CIT: variants seen among roughly 807,000 people sequenced by gnomAD.
The protein encoded by CIT is citron rho-interacting serine/threonine kinase.
Under a neutral mutation model 272.7 loss-of-function variants are expected in CIT, and 79 were observed. The observed-to-expected ratio is 0.29, with a 90% CI of 0.24 to 0.35. CIT has a LOEUF of 0.35. Among genes scored for constraint, CIT ranks in the 10% least tolerant of loss-of-function variants. CIT has a pLI of 1.00. For missense variants in CIT, 1,909 were observed against 2,618.3 expected, an observed-to-expected ratio of 0.73 and a Z score of 5.91; for synonymous variants, 948 against 995.6, an observed-to-expected ratio of 0.95 and a Z score of 0.90.
intron 29 of CIT, 148 bp from the exon 30 acceptor site, chr12:119,720,733 C>A: frequency 3.9e-6 from 2 of 506,334 alleles, no homozygotes; most frequent in Non-Finnish European, 3.4e-6. Context: ...TGTATTTAGT[C>A]CAGTTTTACT....
intron 2 of CIT, 125 bp from the exon 3 acceptor site, chr12:119,869,326 A>C (rs1285389079): frequency 1.2e-6 from 1 of 853,478 alleles, no homozygotes; most frequent in Non-Finnish European, 1.8e-6. Flanking sequence ...TAACAGCACA[A>C]TTCTGTGGCT....
chr12:119,727,501 G>A (rs980568219), intron 28 of CIT, among the ~76,000 whole-genome samples: 4 of 152,118 alleles, frequency 2.6e-5, no homozygotes, highest in Admixed American at 2.6e-4. Context: ...TATCGGGTAC[G>A]ATATACACTA....
intron 9 of CIT, among the ~76,000 whole-genome samples, chr12:119,816,774 G>A (rs1967226238): frequency 6.6e-6 from 1 of 152,154 alleles, no homozygotes; most frequent in Admixed American, 6.5e-5. Context: ...TAATAACCTG[G>A]CCAATTCTTC....
intron 9 of CIT, among the ~76,000 whole-genome samples, chr12:119,815,211 A>G (rs1208152310): frequency 1.3e-5 from 2 of 151,520 alleles, no homozygotes; most frequent in African/African-American, 4.9e-5. Flanking sequence ...TAATGTCAAA[A>G]TCATGATATC....
intron 22 of CIT, among the ~76,000 whole-genome samples, chr12:119,754,981 A>G (rs1288607197): frequency 1.3e-5 from 2 of 152,202 alleles, no homozygotes. Context: ...TTTAGACTCA[A>G]ACTTAAGGGC....
chr12:119,692,986 A>G (rs1956041456), intron 46 of CIT, among the ~76,000 whole-genome samples: 1 of 152,206 alleles, frequency 6.6e-6, no homozygotes. Flanking sequence ...ATAAATTCCG[A>G]GTAGGAGAAC....
At chr12:119,769,001 C>A (rs533709749) in intron 18 of CIT, among the ~76,000 whole-genome samples, 3 of 151,936 alleles carry the variant, frequency 2.0e-5, no homozygotes, top group African/African-American at 4.8e-5. Context: ...GGTACTCCGG[C>A]GGGTGGCAAG....
chr12:119,692,257 C>T (rs1032101814), intron 46 of CIT, among the ~76,000 whole-genome samples: 5 of 152,070 alleles, frequency 3.3e-5, no homozygotes, highest in African/African-American at 7.2e-5. Context: ...AAGACCAGCC[C>T]GGGCAATATG....
chr12:119,720,957 G>A (rs1957789592), intron 29 of CIT, among the ~76,000 whole-genome samples: 1 of 152,038 alleles, frequency 6.6e-6, no homozygotes. Context: ...CTTTGCCTCT[G>A]CAGACTTATT....
At chr12:119,858,259 G>A (rs1950228391) in intron 3 of CIT, among the ~76,000 whole-genome samples, 1 of 152,206 alleles carries the variant, frequency 6.6e-6, no homozygotes, top group South Asian at 2.1e-4. Flanking sequence ...GCTGACGCCT[G>A]TAATCCCAAC....
intron 5 of CIT, among the ~76,000 whole-genome samples, chr12:119,841,644 CGAGAAAATGTGA>C (rs1342682692): frequency 6.6e-6 from 1 of 152,088 alleles, no homozygotes; most frequent in Non-Finnish European, 1.5e-5. Context: ...ACGTTCTGGC[CGAGAAAATGTGA>C]GAGGAAATGA....
intron 24 of CIT, among the ~76,000 whole-genome samples, chr12:119,741,280 C>A (rs1313252628): frequency 6.6e-6 from 1 of 152,032 alleles, no homozygotes; most frequent in Non-Finnish European, 1.5e-5. Context: ...ATATGACATT[C>A]AAGAACAGGT....
At chr12:119,870,470 C>T (rs1950636062) in intron 2 of CIT, among the ~76,000 whole-genome samples, 1 of 149,636 alleles carries the variant, frequency 6.7e-6, no homozygotes, top group Admixed American at 6.7e-5. Context: ...GAATTGCCTG[C>T]ACCCGGGAGA....
At position 119,712,290 on chromosome 12, in the gene CIT, C is replaced by A; in HGVS notation, c.4742G>T (p.Arg1581Ile). ...GCTGGGAGCTAGCAAGTAGAGGGTT[C>A]TCCCGGGCCAGCAGGTGGTGTGCGG... The part of the protein sequence containing the change: ...SHPHTTCWPG[R>I]TLYLLAPSFP... The change falls in exon 37 of 48, where the codon AGA (arginine) becomes ATA (isoleucine). Residue 1581 changes from arginine to isoleucine, a missense_variant. Physicochemically the swap from Arg to Ile is moderately conservative, Grantham distance 97 (BLOSUM62 -3). This residue lies in a region of CIT where 780 missense variants were observed against 1,067.2 expected (regional missense o/e 0.73). Coordinates refer to ENST00000392521, the MANE Select transcript of CIT (RefSeq NM_001206999.2). The surrounding 1 kb of genome is among the most constrained non-coding windows in gnomAD (Gnocchi z 5.2). 1 of 1,614,198 alleles carries A rather than the reference C, an allele frequency of 6.2e-7. No homozygotes were observed. Among genetic ancestry groups the A allele is most frequent in the Non-Finnish European group, 8.5e-7 (1 of 1,180,014 alleles).
chr12:119,718,124 G>A lies in CIT; in HGVS notation c.4168+121C>T, dbSNP rs1957629263. On this transcript the variant is annotated intron_variant, in intron 32 of 47. Transcript: ENST00000392521. This position sits in a 1 kb window ranked among gnomAD's most constrained non-coding sequence, Gnocchi z 4.8. ...CAAAGTGCTGGGGTTACAGGTGTGA[G>A]CCACCGTGCCTGGCCAAGACTGACT... is the stretch of plus-strand genomic sequence containing the variant. The A allele has an allele frequency of 1.7e-6, 2 of 1,177,258 alleles. No homozygotes were observed. Among genetic ancestry groups the A allele is most frequent in the Admixed American group, 2.7e-5 (1 of 36,384 alleles). The allele number at this position is 1,177,258 out of a possible 1,614,324, so 72.9% of individuals were successfully genotyped here. A position where few individuals can be genotyped will look rare whatever the true frequency, so the allele number is the denominator to read the frequency against.
intron 7 of CIT, among the ~76,000 whole-genome samples, chr12:119,829,857 A>G (rs1968484116): frequency 6.6e-6 from 1 of 152,122 alleles, no homozygotes; most frequent in African/African-American, 2.4e-5. Flanking sequence ...GAACAGATCT[A>G]AGATTCACAG....
intron 23 of CIT, among the ~76,000 whole-genome samples, chr12:119,751,428 G>T (rs1960247277): frequency 6.6e-6 from 1 of 151,790 alleles, no homozygotes; most frequent in South Asian, 2.1e-4. Flanking sequence ...TTTCAATCCA[G>T]TAACACCCCC....
chr12:119,832,677 GTTCACCATT>G, intron 7 of CIT, 85 bp downstream of exon 7: 1 of 1,030,616 alleles, frequency 9.7e-7, no homozygotes, highest in Non-Finnish European at 1.5e-6. Flanking sequence ...CCAAAACATT[GTTCACCATT>G]TTATCCCAAC....
At chr12:119,869,363 C>T (rs1399569841) in intron 2 of CIT, among the ~76,000 whole-genome samples, 162 bp from the exon 3 acceptor site, 1 of 152,226 alleles carries the variant, frequency 6.6e-6, no homozygotes, top group Non-Finnish European at 1.5e-5. Context: ...CGTCAACTGA[C>T]AGTCATTATG....
Sources: allele counts gnomAD v4.1 joint callset (sites outside exome capture counted in the v4.1 genomes callset), GRCh38; gene constraint gnomAD v4.1.1; regional missense constraint gnomAD v4.1.1; non-coding constraint Gnocchi (gnomAD v3.1); transcripts MANE v1.5; gene names NCBI Gene and HGNC (gene_info 2026-07-23, HGNC 2026-07-21).